ZNF385B: variants seen among roughly 807,000 people sequenced by gnomAD.
The protein encoded by ZNF385B is zinc finger protein 385B.
A neutral mutation model predicts 39.2 loss-of-function variants in ZNF385B; 23 were observed. The ratio of observed to expected loss-of-function variants is 0.59; its 90% CI spans 0.42 to 0.83. The LOEUF is 0.83. ZNF385B is among the 40% of genes least tolerant of loss of function. The pLI, the probability that ZNF385B is intolerant of heterozygous loss-of-function variation, is 0.00. For missense variants in ZNF385B, 552 were observed against 598.9 expected (o/e 0.92, Z 0.82); for synonymous variants, 205 against 222.6 (o/e 0.92, Z 0.70).
At chr2:179,451,629 T>C (rs1300865721) in intron 6 of ZNF385B, among the ~76,000 whole-genome samples, 1 of 152,136 alleles carries the variant, frequency 6.6e-6, no homozygotes, top group Non-Finnish European at 1.5e-5. Flanking sequence ...ATGTTGACTT[T>C]GGAAATGTGT....
At chr2:179,762,757 T>C (rs1045924646) in intron 3 of ZNF385B, among the ~76,000 whole-genome samples, 1 of 152,232 alleles carries the variant, frequency 6.6e-6, no homozygotes, top group African/African-American at 2.4e-5. Context: ...AAAGCAACTG[T>C]ATAAAATTGG....
chr2:179,595,332 C>A (rs554242699), intron 3 of ZNF385B, among the ~76,000 whole-genome samples: 42 of 152,222 alleles, frequency 2.8e-4, no homozygotes, highest in Admixed American at 2.6e-3. Context: ...GATTATTCAA[C>A]AACTATGCCA....
intron 1 of ZNF385B, among the ~76,000 whole-genome samples, chr2:179,810,591 GTCA>G (rs145201684): frequency 6.6e-6 from 1 of 151,708 alleles, no homozygotes; most frequent in Non-Finnish European, 1.5e-5. Context: ...GATCCACATT[GTCA>G]TCATCATCAT....
intron 5 of ZNF385B, among the ~76,000 whole-genome samples, chr2:179,493,493 G>A (rs62177232): frequency 0.58 from 87,006 of 149,498 alleles, 25,864 homozygotes; most frequent in Admixed American, 0.68. Context: ...ATGTATAAAC[G>A]TGTGTGTACA....
At chr2:179,715,016 G>C (rs924873457) in intron 3 of ZNF385B, among the ~76,000 whole-genome samples, 1 of 147,526 alleles carries the variant, frequency 6.8e-6, no homozygotes, top group Admixed American at 6.8e-5. Context: ...TCCCATATCT[G>C]TCAAAAATTT....
intron 3 of ZNF385B, among the ~76,000 whole-genome samples, chr2:179,607,908 C>CTTTTTTT (rs71029822): frequency 3.1e-5 from 3 of 97,466 alleles, no homozygotes; most frequent in Non-Finnish European, 3.9e-5. Flanking sequence ...CTCAGAAACT[C>CTTTTTTT]TTTTTTTTTT....
intron 3 of ZNF385B, among the ~76,000 whole-genome samples, chr2:179,658,214 G>A (rs951089026): frequency 6.6e-6 from 1 of 152,170 alleles, no homozygotes; most frequent in African/African-American, 2.4e-5. Context: ...TAAACAAAAT[G>A]GTGAACACTT....
intron 4 of ZNF385B, among the ~76,000 whole-genome samples, chr2:179,537,755 A>AAC (rs72347903): frequency 0.21 from 31,040 of 146,080 alleles, 3,441 homozygotes; most frequent in African/African-American, 0.28. Flanking sequence ...ACAAACAAAC[A>AAC]AACAAACAAA....
chr2:179,676,767 G>T (rs12623583), intron 3 of ZNF385B, among the ~76,000 whole-genome samples: 29,804 of 152,038 alleles, frequency 0.2, 3,197 homozygotes, highest in Admixed American at 0.25. Context: ...GGGTCAATTG[G>T]TAATGTCTGA....
At chr2:179,798,984 A>G (rs1237612620) in intron 1 of ZNF385B, among the ~76,000 whole-genome samples, 1 of 152,000 alleles carries the variant, frequency 6.6e-6, no homozygotes, top group Non-Finnish European at 1.5e-5. Flanking sequence ...TATCCATTCT[A>G]TTTTAGTGAT....
chr2:179,635,099 G>C (rs570883090), intron 3 of ZNF385B, among the ~76,000 whole-genome samples: 1 of 150,764 alleles, frequency 6.6e-6, no homozygotes, highest in Non-Finnish European at 1.5e-5. Flanking sequence ...CTGAGATTGC[G>C]CCACTGCACT....
chr2:179,758,646 G>A (rs983261114), intron 3 of ZNF385B, among the ~76,000 whole-genome samples: 29 of 152,280 alleles, frequency 1.9e-4, no homozygotes, highest in Admixed American at 1.8e-3. Context: ...TTCTGTTCTT[G>A]CTGTCTTGCA....
At chr2:179,583,318 T>C (rs1225280798) in intron 3 of ZNF385B, among the ~76,000 whole-genome samples, 1 of 152,102 alleles carries the variant, frequency 6.6e-6, no homozygotes, top group Non-Finnish European at 1.5e-5. Flanking sequence ...GGGAGAAAAA[T>C]AAACTATCAA....
chr2:179,614,888 G>A (rs1689601449), intron 3 of ZNF385B, among the ~76,000 whole-genome samples: 1 of 152,120 alleles, frequency 6.6e-6, no homozygotes, highest in Non-Finnish European at 1.5e-5. Flanking sequence ...TTAAAATAGT[G>A]CATCATGTAT....
At chr2:179,672,603 G>T (rs1027911692) in intron 3 of ZNF385B, among the ~76,000 whole-genome samples, 6 of 152,124 alleles carry the variant, frequency 3.9e-5, no homozygotes, top group Non-Finnish European at 8.8e-5. Flanking sequence ...AGGAGGTGAG[G>T]CCTTTGGGAG....
intron 3 of ZNF385B, among the ~76,000 whole-genome samples, chr2:179,561,408 C>G (rs1199655932): frequency 6.6e-6 from 1 of 152,076 alleles, no homozygotes; most frequent in African/African-American, 2.4e-5. Flanking sequence ...TGGCTTTAAC[C>G]TATTCATTTT....
chr2:179,748,003 G>A (rs975401350), intron 3 of ZNF385B, among the ~76,000 whole-genome samples: 1 of 152,042 alleles, frequency 6.6e-6, no homozygotes, highest in African/African-American at 2.4e-5. Context: ...CTTGGATTTC[G>A]GAAATTGCAA....
intron 1 of ZNF385B, among the ~76,000 whole-genome samples, chr2:179,831,412 T>C (rs1427833661): frequency 1.3e-5 from 2 of 152,028 alleles, no homozygotes; most frequent in African/African-American, 4.8e-5. Flanking sequence ...TATTGCATTT[T>C]ACTGCCATAG....
At chr2:179,556,069 C>T (rs578076837) in intron 3 of ZNF385B, among the ~76,000 whole-genome samples, 1 of 148,398 alleles carries the variant, frequency 6.7e-6, no homozygotes, top group South Asian at 2.2e-4. Context: ...TTACACAAAA[C>T]GATGAATCTT....
Sources: gnomAD v4.1 joint callset for allele counts (sites outside exome capture counted in the v4.1 genomes callset) on GRCh38, gnomAD v4.1.1 for gene constraint, MANE v1.5 for transcripts, NCBI Gene and HGNC (gene_info 2026-07-23, HGNC 2026-07-21) for gene names.